LPGAT1: variants seen among roughly 807,000 people sequenced by gnomAD.
LPGAT1 encodes the protein acyl-CoA:lysophosphatidylglycerol acyltransferase 1.
In LPGAT1, 11 loss-of-function variants were observed where a neutral mutation model predicts 47.5. That is an observed-to-expected ratio of 0.23 (90% CI 0.15 to 0.38). The LOEUF (loss-of-function observed/expected upper bound fraction) is 0.38. Among genes scored for constraint, LPGAT1 ranks in the 10% least tolerant of loss-of-function variants. The pLI, the probability that LPGAT1 is intolerant of heterozygous loss-of-function variation, is 1.00. For missense variants in LPGAT1, 293 were observed against 439.0 expected (o/e 0.67, Z 2.97); for synonymous variants, 138 against 144.2 (o/e 0.96, Z 0.31).
At chr1:211,777,604 C>T (rs1169538116) in intron 6 of LPGAT1, among the ~76,000 whole-genome samples, 1 of 152,118 alleles carries the variant, frequency 6.6e-6, no homozygotes, top group Non-Finnish European at 1.5e-5. Context: ...GTTCTTGCTA[C>T]TGTTGTTTAT....
intron 6 of LPGAT1, among the ~76,000 whole-genome samples, chr1:211,762,075 A>G (rs1169356649): frequency 6.6e-6 from 1 of 152,224 alleles, no homozygotes; most frequent in African/African-American, 2.4e-5. Flanking sequence ...ACTTTATAAG[A>G]TTAATTTAGC....
rs907609317 is a variant in LPGAT1 at position 211,747,336 on chromosome 1, A to T, written c.*2563T>A. 4 of 152,160 alleles carry T rather than the reference A, an allele frequency of 2.6e-5. 1 individual carries two copies. The highest frequency in any genetic ancestry group is 9.7e-5 in the African/African-American group (4 of 41,430). 9.4% of individuals were successfully genotyped at this position (152,160 alleles called of 1,614,324 possible). On this transcript the variant is annotated 3_prime_UTR_variant, in exon 8 of 8. Coordinates refer to ENST00000366997, the MANE Select transcript of LPGAT1 (RefSeq NM_014873.3). ...GAAGGATAGGGCAGATCAAATACAC[A>T]TCTATTTACAACTCACGGAGATATT...
chr1:211,777,244 C>A (rs1233729857), intron 6 of LPGAT1, among the ~76,000 whole-genome samples: 2 of 152,102 alleles, frequency 1.3e-5, no homozygotes, highest in Non-Finnish European at 2.9e-5. Flanking sequence ...CTTGCAAAAC[C>A]ACAGTACTAT....
At chr1:211,829,409 A>G in intron 1 of LPGAT1, 86 bp from the exon 2 acceptor site, 14 of 1,537,490 alleles carry the variant, frequency 9.1e-6, no homozygotes, top group Non-Finnish European at 1.1e-5. Flanking sequence ...CCCCCAGCAC[A>G]AAATAAAACA....
intron 2 of LPGAT1, among the ~76,000 whole-genome samples, chr1:211,813,887 T>C (rs1248853467): frequency 6.6e-6 from 1 of 152,088 alleles, no homozygotes. Flanking sequence ...TACAAGTCTG[T>C]TAAAGAGACA....
chr1:211,793,589 C>A (rs1321998636), intron 2 of LPGAT1, among the ~76,000 whole-genome samples: 1 of 152,006 alleles, frequency 6.6e-6, no homozygotes. Flanking sequence ...CACACCACCA[C>A]GCCCAGCTGA....
At chr1:211,782,671 A>T (rs1369762258) in intron 5 of LPGAT1, among the ~76,000 whole-genome samples, 1 of 152,022 alleles carries the variant, frequency 6.6e-6, no homozygotes, top group Non-Finnish European at 1.5e-5. Context: ...GGAATTCAAG[A>T]CTACGGTGAG....
chr1:211,780,633 G>A (rs759153709), intron 5 of LPGAT1, among the ~76,000 whole-genome samples: 3 of 152,122 alleles, frequency 2.0e-5, no homozygotes, highest in Non-Finnish European at 2.9e-5. Context: ...AAATATACTT[G>A]TAAAACAAGT....
intron 6 of LPGAT1, among the ~76,000 whole-genome samples, chr1:211,774,289 G>C (rs1447457210): frequency 6.6e-6 from 1 of 151,614 alleles, no homozygotes; most frequent in Non-Finnish European, 1.5e-5. Context: ...GCTAATTTTT[G>C]TATTTTTGGT....
intron 6 of LPGAT1, among the ~76,000 whole-genome samples, chr1:211,772,121 T>C (rs373449130): frequency 9.7e-4 from 148 of 152,152 alleles, no homozygotes; most frequent in African/African-American, 3.4e-3. Flanking sequence ...TTTTGGTATA[T>C]GGTATGGAGT....
intron 4 of LPGAT1, among the ~76,000 whole-genome samples, chr1:211,785,503 C>T (rs1413803487): frequency 6.6e-6 from 1 of 151,820 alleles, no homozygotes; most frequent in Non-Finnish European, 1.5e-5. Flanking sequence ...GAAATATAAT[C>T]TTTATGTATG....
At position 211,747,240 on chromosome 1, in the gene LPGAT1, A is replaced by G. The variant is rs1010020928; in HGVS notation, c.*2659T>C. 6.6e-6 allele frequency: 1 copy of G among 152,180 alleles called. No individual in the cohort carries two copies. Among genetic ancestry groups the G allele is most frequent in the Non-Finnish European group, 1.5e-5 (1 of 68,014 alleles). The allele number at this position is 152,180 out of a possible 1,614,324, so 9.4% of individuals were successfully genotyped here. On this transcript the variant is annotated 3_prime_UTR_variant, in exon 8 of 8. Transcript: ENST00000366997. ...AAGCAGGAGAACTCCAGTTACTGATAAGGAAAGCACTACCAATGCTTTCAA... is the reference window on the plus strand; with the variant it reads ...AAGCAGGAGAACTCCAGTTACTGATGAGGAAAGCACTACCAATGCTTTCAA...
At position 211,827,115 on chromosome 1, in the gene LPGAT1, CAAGTAT is replaced by C. The variant is rs767578508; in HGVS notation, c.238+1938_238+1943del. 1.3e-4 allele frequency among the ~76,000 whole-genome samples: 20 copies of C among 152,270 alleles called. No homozygotes were observed. The South Asian group carries it at 1.7e-3, about 13-fold the overall frequency. ...AGACTATGACCAGGCTCTCTGAAAT[CAAGTAT>C]TCTACCTATAGGAAAACCTTTTAAA... On this transcript the variant is annotated intron_variant, in intron 2 of 7. Transcript: ENST00000366997.
intron 4 of LPGAT1, among the ~76,000 whole-genome samples, chr1:211,784,180 G>A (rs1001232229): frequency 6.6e-6 from 1 of 152,098 alleles, no homozygotes; most frequent in Non-Finnish European, 1.5e-5. Context: ...GCAGAGGGAG[G>A]TGGAGACCAA....
chr1:211,808,460 A>G (rs916383963), intron 2 of LPGAT1, among the ~76,000 whole-genome samples: 2 of 152,224 alleles, frequency 1.3e-5, no homozygotes, highest in African/African-American at 4.8e-5. Flanking sequence ...CAGATGGCAA[A>G]TAACTATATG....
At chr1:211,826,254 T>C (rs1217035170) in intron 2 of LPGAT1, among the ~76,000 whole-genome samples, 1 of 152,248 alleles carries the variant, frequency 6.6e-6, no homozygotes, top group African/African-American at 2.4e-5. Context: ...AGTTAAGAGA[T>C]AGTTTAATAA....
chr1:211,815,745 TTGTTCCTCAAACATGACAAATGC>T (rs1660147127), intron 2 of LPGAT1, among the ~76,000 whole-genome samples: 2 of 151,778 alleles, frequency 1.3e-5, no homozygotes, highest in Non-Finnish European at 2.9e-5. Context: ...GGCCTTCCCT[TTGTTCCTCAAACATGACAAATGC>T]TTTTCTTTTT....
intron 2 of LPGAT1, among the ~76,000 whole-genome samples, chr1:211,815,880 G>A (rs1388253879): frequency 2.1e-5 from 3 of 144,928 alleles, no homozygotes; most frequent in Non-Finnish European, 3.0e-5. Context: ...CCATGTTCAC[G>A]CCATTCTCCT....
intron 2 of LPGAT1, among the ~76,000 whole-genome samples, chr1:211,809,951 C>T (rs1277844352): frequency 6.6e-6 from 1 of 152,114 alleles, no homozygotes; most frequent in Non-Finnish European, 1.5e-5. Flanking sequence ...ACGTGTACAA[C>T]ATGAATACCT....
Sources: gnomAD v4.1 joint callset for allele counts (sites outside exome capture counted in the v4.1 genomes callset) on GRCh38, gnomAD v4.1.1 for gene constraint, MANE v1.5 for transcripts, NCBI Gene and HGNC (gene_info 2026-07-23, HGNC 2026-07-21) for gene names.